CAST: variants seen among roughly 807,000 people sequenced by gnomAD.
CAST encodes MIR583 host.
CAST carries 76 observed loss-of-function variants against 119.6 expected under a neutral mutation model. The observed-to-expected ratio is 0.64, with a 90% CI of 0.53 to 0.77. The LOEUF is 0.77. CAST is among the 30% of genes least tolerant of loss of function. CAST has a pLI of 0.00. For missense variants in CAST, 953 were observed against 946.5 expected (o/e 1.01, Z -0.09); for synonymous variants, 319 against 331.6 (o/e 0.96, Z 0.41).
chr5:96,507,036 A>G, the CAST span, among the ~76,000 whole-genome samples: 3 of 152,142 alleles, frequency 2.0e-5, no homozygotes, highest in African/African-American at 7.2e-5. Context: ...ACACACAAAT[A>G]AATACATAAT....
the CAST span, among the ~76,000 whole-genome samples, chr5:96,165,615 A>G: frequency 2.0e-5 from 3 of 152,220 alleles, no homozygotes; most frequent in African/African-American, 4.8e-5. Context: ...TCTTTATTGG[A>G]AATTCCTTAT....
chr5:96,008,713 G>C, the CAST span, among the ~76,000 whole-genome samples: 1 of 152,174 alleles, frequency 6.6e-6, no homozygotes, highest in African/African-American at 2.4e-5. Flanking sequence ...TGAGAGATTG[G>C]ACCAAATCTT....
At chr5:96,214,470 T>C in the CAST span, among the ~76,000 whole-genome samples, 1 of 152,172 alleles carries the variant, frequency 6.6e-6, no homozygotes, top group African/African-American at 2.4e-5. Flanking sequence ...AGCCTAATAC[T>C]CCATGAAATA....
At chr5:96,536,058 A>G (rs1466865748) in intron 1 of CAST, among the ~76,000 whole-genome samples, 3 of 119,670 alleles carry the variant, frequency 2.5e-5, no homozygotes, top group Non-Finnish European at 5.1e-5. Context: ...TTTTTTTTTA[A>G]AGAAAAAGGA....
At chr5:95,967,732 T>A in the CAST span, among the ~76,000 whole-genome samples, 1 of 152,188 alleles carries the variant, frequency 6.6e-6, no homozygotes, top group Non-Finnish European at 1.5e-5. Context: ...TTCCTGAGGC[T>A]TCCCCAGCCA....
intron 4 of CAST, among the ~76,000 whole-genome samples, chr5:96,725,277 G>A (rs1304591649): frequency 6.6e-6 from 1 of 152,150 alleles, no homozygotes; most frequent in African/African-American, 2.4e-5. Context: ...TATCTGTACA[G>A]TTTGGAGGAA....
chr5:96,159,967 TA>T, the CAST span, among the ~76,000 whole-genome samples: 40,959 of 142,146 alleles, frequency 0.29, 5,652 homozygotes, highest in East Asian at 0.39. Context: ...CTGTCTCTAC[TA>T]AAAAAAAAAA....
At chr5:96,204,928 G>A in the CAST span, among the ~76,000 whole-genome samples, 1 of 152,076 alleles carries the variant, frequency 6.6e-6, no homozygotes, top group Non-Finnish European at 1.5e-5. Flanking sequence ...AGCATCATGA[G>A]TATGAATTCC....
the CAST span, among the ~76,000 whole-genome samples, chr5:96,355,389 G>C: frequency 6.6e-6 from 1 of 152,128 alleles, no homozygotes; most frequent in Non-Finnish European, 1.5e-5. Context: ...GTAGTATTCT[G>C]TGGTATATAT....
chr5:96,299,932 G>C, the CAST span, among the ~76,000 whole-genome samples: 1 of 152,066 alleles, frequency 6.6e-6, no homozygotes, highest in African/African-American at 2.4e-5. Flanking sequence ...AGTTTAACAG[G>C]TTCCTTGCAC....
the CAST span, among the ~76,000 whole-genome samples, chr5:96,166,992 T>G: frequency 6.6e-6 from 1 of 151,978 alleles, no homozygotes; most frequent in Admixed American, 6.6e-5. Context: ...AAGGAAGGTT[T>G]TGTGGTAAGG....
At chr5:96,478,205 T>C in the CAST span, among the ~76,000 whole-genome samples, 1 of 152,218 alleles carries the variant, frequency 6.6e-6, no homozygotes, top group African/African-American at 2.4e-5. Flanking sequence ...ATGAGTATAT[T>C]ATCTATCCTA....
the CAST span, among the ~76,000 whole-genome samples, chr5:96,216,972 T>C: frequency 6.6e-6 from 1 of 152,184 alleles, no homozygotes; most frequent in Admixed American, 6.5e-5. Context: ...ATAAGCACTT[T>C]ACATCACACA....
At chr5:96,123,500 T>C in the CAST span, among the ~76,000 whole-genome samples, 1 of 152,156 alleles carries the variant, frequency 6.6e-6, no homozygotes, top group African/African-American at 2.4e-5. Flanking sequence ...ACCTTTACAT[T>C]ATTGGCATGC....
the CAST span, among the ~76,000 whole-genome samples, chr5:96,362,973 A>G: frequency 6.6e-6 from 1 of 152,098 alleles, no homozygotes; most frequent in South Asian, 2.1e-4. Flanking sequence ...TTCAGGTCTA[A>G]CATTTAAGTC....
the CAST span, among the ~76,000 whole-genome samples, chr5:96,073,275 A>G: frequency 6.6e-6 from 1 of 152,142 alleles, no homozygotes; most frequent in Non-Finnish European, 1.5e-5. Context: ...TTTAAGAGGG[A>G]GAAGAGAGGT....
At chr5:96,413,885 C>T in the CAST span, among the ~76,000 whole-genome samples, 13 of 144,672 alleles carry the variant, frequency 9.0e-5, no homozygotes, top group East Asian at 4.1e-4. Flanking sequence ...TTTGGGAGGC[C>T]GAGGCGGGCG....
At chr5:96,221,374 A>T in the CAST span, among the ~76,000 whole-genome samples, 1 of 152,152 alleles carries the variant, frequency 6.6e-6, no homozygotes, top group African/African-American at 2.4e-5. Context: ...AGGCTCCATC[A>T]TAACCCTCCT....
chr5:96,739,538 T>TA (rs1305069325), intron 11 of CAST, among the ~76,000 whole-genome samples: 2 of 152,210 alleles, frequency 1.3e-5, no homozygotes, highest in Non-Finnish European at 2.9e-5. Flanking sequence ...CCTACATATG[T>TA]AAAAAATGTT....
Sources: allele counts gnomAD v4.1 joint callset (sites outside exome capture counted in the v4.1 genomes callset), GRCh38; gene constraint gnomAD v4.1.1; transcripts MANE v1.5; gene names NCBI Gene and HGNC (gene_info 2026-07-23, HGNC 2026-07-21).